The following C19orf38 variants were observed in gnomAD, a reference collection of about 807,000 sequenced individuals.
The protein encoded by C19orf38 is chromosome 19 open reading frame 38, also known as protein HIDE1.
In C19orf38, 14 loss-of-function variants were observed where a neutral mutation model predicts 26.6. The ratio of observed to expected loss-of-function variants is 0.53; its 90% CI spans 0.35 to 0.82. C19orf38 has a LOEUF of 0.82. Ranked by LOEUF, C19orf38 falls within the 40% of genes least tolerant of loss-of-function variation. The pLI, the probability that C19orf38 is intolerant of heterozygous loss-of-function variation, is 0.01. For synonymous variants in C19orf38, 132 were observed against 128.5 expected, an observed-to-expected ratio of 1.03 and a Z score of -0.18; for missense variants, 261 against 299.5, an observed-to-expected ratio of 0.87 and a Z score of 0.95.
upstream of C19orf38, among the ~76,000 whole-genome samples, chr19:10,846,329 T>G (rs2073517121): frequency 6.6e-6 from 1 of 151,388 alleles, no homozygotes; most frequent in Middle Eastern, 3.2e-3. Flanking sequence ...CCCGAGTAGC[T>G]GGGACTACAG....
chr19:10,856,381 C>A (rs1178465314), intron 3 of C19orf38, 24 bp downstream of exon 3: 5 of 1,534,856 alleles, frequency 3.3e-6, no homozygotes, highest in Admixed American at 2.0e-5. Flanking sequence ...AAGCCTGGCA[C>A]ACAAGTTGCC....
At chr19:10,850,866 G>T (rs1449076942) in intron 2 of C19orf38, among the ~76,000 whole-genome samples, 4 of 152,060 alleles carry the variant, frequency 2.6e-5, no homozygotes, top group Non-Finnish European at 5.9e-5. Context: ...TTGTCAGGCA[G>T]CCCGTCTCCC....
In C19orf38 at chr19:10,850,301, C is replaced by T. The variant is rs1477356185; in HGVS notation, c.74C>T (p.Pro25Leu). The change falls in exon 2 of 7, where the codon CCG becomes CTG. Residue 25 changes from proline (P) to leucine (L), a missense_variant. Transcript: ENST00000397820. The part of the protein sequence containing the change: ...IPAPSIRLVP[P>L]YPSSQEDPIH... ...GCACCATCCATCCGGCTGGTGCCCCCGTACCCAAGCAGCCAAGAGGACCCC... is the reference window on the plus strand; with the variant it reads ...GCACCATCCATCCGGCTGGTGCCCCTGTACCCAAGCAGCCAAGAGGACCCC... 7 of 1,551,000 alleles carry T rather than the reference C, an allele frequency of 4.5e-6. No homozygotes were observed. The highest frequency in any genetic ancestry group is 2.4e-5 in the East Asian group (1 of 40,908).
Position 10,850,576 on chromosome 19 carries a change from C to T in C19orf38, c.340+9C>T, listed in dbSNP as rs947720518. The T allele has an allele frequency of 2.6e-6, 4 of 1,551,074 alleles. No homozygotes were observed. Among genetic ancestry groups the T allele is most frequent in the Middle Eastern group, 1.7e-4 (1 of 6,014 alleles). On this transcript the variant is annotated intron_variant, in intron 2 of 6. Coordinates refer to ENST00000397820, the MANE Select transcript of C19orf38 (RefSeq NM_001136482.3). ...GAACGTCTCCTTCCCAGGTAAGGCC[C>T]TTCTATGGGATCTCACTGCCGGGGG...
At chr19:10,855,718 C>T (rs779770966) in intron 2 of C19orf38, among the ~76,000 whole-genome samples, 1 of 152,010 alleles carries the variant, frequency 6.6e-6, no homozygotes, top group Non-Finnish European at 1.5e-5. Flanking sequence ...TTAGTAGAGA[C>T]GGGGTTTCAC....
upstream of C19orf38, among the ~76,000 whole-genome samples, chr19:10,846,777 T>C (rs140160954): frequency 3.3e-5 from 5 of 152,312 alleles, no homozygotes; most frequent in African/African-American, 9.6e-5. Flanking sequence ...AGCAAATTCC[T>C]TGAAGATACA....
chr19:10,851,350 C>T (rs953972939), intron 2 of C19orf38, among the ~76,000 whole-genome samples: 3 of 143,212 alleles, frequency 2.1e-5, no homozygotes, highest in Non-Finnish European at 4.5e-5. Context: ...CTGCACCTGG[C>T]TTTTTTTTTT....
intron 4 of C19orf38, among the ~76,000 whole-genome samples, chr19:10,858,936 G>A (rs1184385748): frequency 2.2e-5 from 3 of 135,818 alleles, no homozygotes; most frequent in African/African-American, 8.5e-5. Flanking sequence ...ATATATATAT[G>A]TTTTTTTTTT....
chr19:10,868,763 C>T (rs1211749161), intron 6 of C19orf38, among the ~76,000 whole-genome samples: 1 of 152,202 alleles, frequency 6.6e-6, no homozygotes, highest in Non-Finnish European at 1.5e-5. Flanking sequence ...ACCTCGGTCT[C>T]CCAAAGTGCT....
At chr19:10,857,337 TAC>T (rs2073636142) in intron 3 of C19orf38, among the ~76,000 whole-genome samples, 7 of 87,870 alleles carry the variant, frequency 8.0e-5, no homozygotes, top group African/African-American at 2.5e-4. Flanking sequence ...CACACACACA[TAC>T]ATATATATAT....
upstream of C19orf38, among the ~76,000 whole-genome samples, chr19:10,843,417 T>C (rs1402518287): frequency 6.6e-6 from 1 of 152,218 alleles, no homozygotes; most frequent in Non-Finnish European, 1.5e-5. Context: ...ATCAGAAGGC[T>C]TCCCTGACCC....
intron 1 of C19orf38, among the ~76,000 whole-genome samples, chr19:10,849,737 AG>A (rs1568333653): frequency 6.6e-6 from 1 of 152,076 alleles, no homozygotes; most frequent in Non-Finnish European, 1.5e-5. Flanking sequence ...ATAAGAGTAT[AG>A]TTGTGTTGCT....
intron 4 of C19orf38, among the ~76,000 whole-genome samples, chr19:10,859,206 G>T (rs754697861): frequency 1.3e-5 from 2 of 149,552 alleles, no homozygotes. Flanking sequence ...CAAAGTGCTG[G>T]GATTACAGGC....
intron 1 of C19orf38, among the ~76,000 whole-genome samples, chr19:10,849,127 A>ACCTCACTCACCCCCTC (rs2073543819): frequency 1.0e-5 from 1 of 99,608 alleles, no homozygotes; most frequent in African/African-American, 4.0e-5. Flanking sequence ...CCTGCCACCC[A>ACCTCACTCACCCCCTC]CCTCACTCAC....
At chr19:10,839,110 T>C (rs2073460338) in intron 1 of C19orf38, among the ~76,000 whole-genome samples, 1 of 152,144 alleles carries the variant, frequency 6.6e-6, no homozygotes, top group Non-Finnish European at 1.5e-5. Flanking sequence ...TTTCACCATG[T>C]TGTCCAGGCT....
At chr19:10,841,143 CAT>C (rs372019315) in intron 1 of C19orf38, among the ~76,000 whole-genome samples, 7 of 151,432 alleles carry the variant, frequency 4.6e-5, no homozygotes, top group Admixed American at 1.3e-4. Flanking sequence ...TTTTTAAACA[CAT>C]ATTATAGAGA....
intron 4 of C19orf38, among the ~76,000 whole-genome samples, chr19:10,859,384 A>ATAT (rs1568337718): frequency 4.7e-5 from 1 of 21,064 alleles, no homozygotes; most frequent in Non-Finnish European, 8.7e-5. Context: ...ATATATATAT[A>ATAT]TTTTTTTTTT....
intron 6 of C19orf38, among the ~76,000 whole-genome samples, chr19:10,866,291 C>T (rs2073750542): frequency 6.6e-6 from 1 of 150,850 alleles, no homozygotes; most frequent in South Asian, 2.1e-4. Context: ...ACCTCAACCT[C>T]CCAGGTTCAA....
chr19:10,847,993 C>T (rs1445411832), upstream of C19orf38, among the ~76,000 whole-genome samples: 4 of 151,886 alleles, frequency 2.6e-5, no homozygotes, highest in African/African-American at 9.7e-5. Flanking sequence ...GAGATCGAGA[C>T]CATCCTGGCC....
Sources: allele counts gnomAD v4.1 joint callset (sites outside exome capture counted in the v4.1 genomes callset), GRCh38; gene constraint gnomAD v4.1.1; transcripts MANE v1.5; gene names NCBI Gene and HGNC (gene_info 2026-07-23, HGNC 2026-07-21).